Variants in NPSR1 observed in about 807,000 individuals in gnomAD.
NPSR1 encodes the protein neuropeptide S receptor.
In NPSR1, 48 loss-of-function variants were observed where a neutral mutation model predicts 46.9. That is an observed-to-expected ratio of 1.02 (90% confidence interval 0.81 to 1.30). The LOEUF is 1.30. NPSR1 is among the 50% of genes most tolerant of loss of function. The pLI, the probability that NPSR1 is intolerant of heterozygous loss-of-function variation, is 0.00. For missense variants in NPSR1, 450 were observed against 449.5 expected, an observed-to-expected ratio of 1.00 and a Z score of -0.01; for synonymous variants, 176 against 168.1, an observed-to-expected ratio of 1.05 and a Z score of -0.36.
chr7:34,759,940 C>A (rs2128728495), intron 2 of NPSR1, among the ~76,000 whole-genome samples: 1 of 152,320 alleles, frequency 6.6e-6, no homozygotes, highest in Non-Finnish European at 1.5e-5. Context: ...TGGCCCAATC[C>A]CTGAACTAAT....
chr7:34,717,489 T>C (rs1783638437), intron 2 of NPSR1, among the ~76,000 whole-genome samples: 1 of 152,110 alleles, frequency 6.6e-6, no homozygotes, highest in Non-Finnish European at 1.5e-5. Context: ...CAGGCTCCTT[T>C]TCTAAAGGGT....
intron 2 of NPSR1, among the ~76,000 whole-genome samples, chr7:34,732,411 G>A (rs911381379): frequency 6.6e-6 from 1 of 152,174 alleles, no homozygotes; most frequent in South Asian, 2.1e-4. Flanking sequence ...CCAGTGAGGG[G>A]AAGCTAGTGG....
intron 7 of NPSR1, chr7:34,845,682 C>A: frequency 2.3e-6 from 1 of 432,118 alleles, no homozygotes; most frequent in South Asian, 1.7e-5. Context: ...GATTGATTTT[C>A]TTATAGTCTG....
At chr7:34,775,746 T>C (rs915833307) in intron 2 of NPSR1, among the ~76,000 whole-genome samples, 1 of 152,138 alleles carries the variant, frequency 6.6e-6, no homozygotes, top group Non-Finnish European at 1.5e-5. Context: ...TGCTCTGATA[T>C]TTATTATTTA....
rs548889592 is a variant in NPSR1 at position 34,827,498 on chromosome 7, C to T, written c.576C>T (p.Asn192=). 99 of 1,614,088 alleles carry T rather than the reference C, an allele frequency of 6.1e-5. No individual in the cohort carries two copies. The Admixed American group carries it at 1.0e-3, about 17-fold the overall frequency. The change falls in exon 5 of 9, where the codon AAC becomes AAT. Residue 192 remains asparagine, a synonymous_variant. Transcript: ENST00000360581. ...LIIFGKRTLS[N]GEVQCWALWP... ...TATTTGGGAAGAGGACACTGTCCAA[C>T]GGTGAAGTGCAGTGCTGGGCCCTGT... is the stretch of plus-strand genomic sequence containing the variant.
At chr7:34,740,012 A>G (rs1017367470) in intron 2 of NPSR1, among the ~76,000 whole-genome samples, 3 of 152,054 alleles carry the variant, frequency 2.0e-5, no homozygotes, top group African/African-American at 7.2e-5. Context: ...GTGAGTAGGA[A>G]AGAACCATTA....
intron 4 of NPSR1, among the ~76,000 whole-genome samples, chr7:34,820,355 G>A (rs746127512): frequency 3.3e-5 from 5 of 152,000 alleles, no homozygotes; most frequent in Admixed American, 1.3e-4. Flanking sequence ...GTTTCTTCTC[G>A]GTCATTTGGT....
chr7:34,831,845 T>C lies in NPSR1; in HGVS notation c.681-2539T>C, dbSNP rs866140265. On this transcript the variant is annotated intron_variant, in intron 5 of 8. Transcript: ENST00000360581. ...AGCAGAAGAGATTCACAACCGACAA[T>C]TGCAAAAAAAAAAAGTGGAAAAAGC... Among the ~76,000 whole-genome samples the C allele has an allele frequency of 2.6e-4, 40 of 151,784 alleles. 1 individual carries two copies. The highest frequency in any genetic ancestry group is 1.9e-4 in the East Asian group (1 of 5,190).
chr7:34,853,113 C>T (rs149912151), downstream of NPSR1, among the ~76,000 whole-genome samples: 2 of 152,144 alleles, frequency 1.3e-5, no homozygotes, highest in African/African-American at 4.8e-5. Flanking sequence ...CAGCCCAACA[C>T]GCAGCTTAAA....
intron 2 of NPSR1, among the ~76,000 whole-genome samples, chr7:34,689,724 C>T (rs892346117): frequency 6.6e-6 from 1 of 150,388 alleles, no homozygotes; most frequent in African/African-American, 2.4e-5. Context: ...CGGCAAATCA[C>T]TTGAGCTTAG....
At chr7:34,723,053 A>G (rs1223081828) in intron 2 of NPSR1, among the ~76,000 whole-genome samples, 1 of 152,164 alleles carries the variant, frequency 6.6e-6, no homozygotes, top group African/African-American at 2.4e-5. Flanking sequence ...AGAAGAAAGC[A>G]CTGCTCCCTC....
chr7:34,684,595 T>C lies in NPSR1; in HGVS notation c.191T>C (p.Ile64Thr). The C allele has an allele frequency of 1.2e-6, 2 of 1,613,866 alleles. No homozygotes were observed. The highest frequency in any genetic ancestry group is 1.7e-6 in the Non-Finnish European group (2 of 1,179,856). ...CTGTGGGTCCTCTTTGTTTTTACCA[T>C]TGTTGGAAACTCCGTTGTGCTTTTT... is the stretch of plus-strand genomic sequence containing the variant. ...ITLWVLFVFTIVGNSVVLFST... is the reference protein window; with the variant it reads ...ITLWVLFVFTTVGNSVVLFST... The change falls in exon 2 of 9, where the codon ATT becomes ACT. Residue 64 changes from isoleucine to threonine, a missense_variant. Transcript: ENST00000360581.
At chr7:34,813,194 T>C (rs553741022) in intron 4 of NPSR1, among the ~76,000 whole-genome samples, 5 of 152,328 alleles carry the variant, frequency 3.3e-5, no homozygotes, top group East Asian at 1.9e-4. Context: ...AGTGGAGGAA[T>C]GGCTAACTAG....
At chr7:34,773,357 A>G (rs1242470084) in intron 2 of NPSR1, among the ~76,000 whole-genome samples, 1 of 152,198 alleles carries the variant, frequency 6.6e-6, no homozygotes, top group African/African-American at 2.4e-5. Context: ...TTCTAGGATC[A>G]AGAGCTATCC....
chr7:34,680,887 A>T (rs1486701418), intron 1 of NPSR1, among the ~76,000 whole-genome samples: 1 of 151,794 alleles, frequency 6.6e-6, no homozygotes, highest in Non-Finnish European at 1.5e-5. Flanking sequence ...TCTAGAAGAG[A>T]CAGAATAGAG....
At chr7:34,720,334 T>G (rs1238344872) in intron 2 of NPSR1, among the ~76,000 whole-genome samples, 1 of 150,720 alleles carries the variant, frequency 6.6e-6, no homozygotes, top group African/African-American at 2.4e-5. Flanking sequence ...GCCCTGTGTG[T>G]CAGGATCTGG....
intron 3 of NPSR1, among the ~76,000 whole-genome samples, chr7:34,787,745 G>T (rs1182169399): frequency 6.6e-6 from 1 of 152,106 alleles, no homozygotes; most frequent in Admixed American, 6.6e-5. Flanking sequence ...ACAGATGGAG[G>T]AACAACCAGT....
chr7:34,814,784 T>C (rs1191295843), intron 4 of NPSR1, among the ~76,000 whole-genome samples: 1 of 151,988 alleles, frequency 6.6e-6, no homozygotes, highest in Non-Finnish European at 1.5e-5. Context: ...GGGTCTGGAG[T>C]GGATCTCCAG....
chr7:34,726,233 C>G (rs903090545), intron 2 of NPSR1, among the ~76,000 whole-genome samples: 1 of 152,140 alleles, frequency 6.6e-6, no homozygotes, highest in South Asian at 2.1e-4. Flanking sequence ...TAAAGATACA[C>G]AGATGGCAAA....
Sources: allele counts gnomAD v4.1 joint callset (sites outside exome capture counted in the v4.1 genomes callset), GRCh38; gene constraint gnomAD v4.1.1; transcripts MANE v1.5; gene names NCBI Gene and HGNC (gene_info 2026-07-23, HGNC 2026-07-21).